Variants in CNTN3 observed in about 807,000 individuals in gnomAD.
CNTN3 encodes the protein contactin-3.
Under a neutral mutation model 119.1 loss-of-function variants are expected in CNTN3, and 60 were observed. The observed-to-expected ratio is 0.50, with a 90% CI of 0.41 to 0.62. CNTN3 has a LOEUF of 0.62. Among genes scored for constraint, CNTN3 ranks in the 20% least tolerant of loss-of-function variants. CNTN3 has a pLI of 0.00. For missense variants in CNTN3, 1,101 were observed against 1,242.4 expected (o/e 0.89, Z 1.71); for synonymous variants, 450 against 438.7 (o/e 1.03, Z -0.32).
At chr3:74,536,941 G>T (rs1309024731) in intron 1 of CNTN3, among the ~76,000 whole-genome samples, 4 of 151,874 alleles carry the variant, frequency 2.6e-5, no homozygotes, top group Admixed American at 6.6e-5. Flanking sequence ...ACTAAAGAGG[G>T]ACGGCTACTT....
chr3:74,350,851 T>C (rs1703795869), intron 11 of CNTN3, among the ~76,000 whole-genome samples: 1 of 152,056 alleles, frequency 6.6e-6, no homozygotes, highest in South Asian at 2.1e-4. Context: ...ACATTCTCCC[T>C]TATAAAGTGG....
chr3:74,463,488 G>C (rs921864058), intron 4 of CNTN3, among the ~76,000 whole-genome samples: 2 of 152,048 alleles, frequency 1.3e-5, no homozygotes, highest in Admixed American at 6.6e-5. Context: ...CTCTCATTAT[G>C]ATGCCGACCC....
chr3:74,588,142 C>T (rs1177663834), intron 1 of CNTN3, among the ~76,000 whole-genome samples: 1 of 152,050 alleles, frequency 6.6e-6, no homozygotes, highest in African/African-American at 2.4e-5. Flanking sequence ...CCCACTTGAC[C>T]ATGGTGGATA....
At chr3:74,407,995 T>G (rs1302657173) in intron 5 of CNTN3, among the ~76,000 whole-genome samples, 2 of 152,156 alleles carry the variant, frequency 1.3e-5, no homozygotes, top group African/African-American at 2.4e-5. Context: ...ATGGTGAGTC[T>G]CCAGTTAACC....
intron 4 of CNTN3, among the ~76,000 whole-genome samples, chr3:74,446,688 T>C (rs1195159250): frequency 1.3e-5 from 2 of 151,628 alleles, no homozygotes; most frequent in African/African-American, 4.8e-5. Context: ...TACTTGTTTT[T>C]TTTTTTTTTG....
chr3:74,498,212 G>A (rs970980583), intron 3 of CNTN3, among the ~76,000 whole-genome samples: 8 of 151,690 alleles, frequency 5.3e-5, no homozygotes, highest in Admixed American at 2.0e-4. Context: ...TCATTTCAGG[G>A]AGAAACAAAC....
At chr3:74,440,346 A>T (rs986044904) in intron 4 of CNTN3, among the ~76,000 whole-genome samples, 4 of 152,158 alleles carry the variant, frequency 2.6e-5, no homozygotes, top group African/African-American at 9.7e-5. Flanking sequence ...CCCTATATTA[A>T]TCTTACATGA....
At chr3:74,419,800 T>C (rs1022719375) in intron 5 of CNTN3, among the ~76,000 whole-genome samples, 3 of 152,178 alleles carry the variant, frequency 2.0e-5, no homozygotes, top group African/African-American at 7.2e-5. Context: ...TTGATTAACC[T>C]ATGAATTCCT....
chr3:74,484,851 G>A (rs1702823507), intron 4 of CNTN3, among the ~76,000 whole-genome samples: 1 of 152,096 alleles, frequency 6.6e-6, no homozygotes, highest in Non-Finnish European at 1.5e-5. Context: ...ACCAAATGAT[G>A]TCCTCACTTT....
chr3:74,516,465 T>C (rs1304664103), intron 2 of CNTN3, among the ~76,000 whole-genome samples: 1 of 150,876 alleles, frequency 6.6e-6, no homozygotes, highest in Non-Finnish European at 1.5e-5. Flanking sequence ...CTTAATAACA[T>C]TGTCTTTTTT....
intron 1 of CNTN3, among the ~76,000 whole-genome samples, chr3:74,525,308 G>A (rs1703603779): frequency 6.6e-6 from 1 of 151,840 alleles, no homozygotes; most frequent in South Asian, 2.1e-4. Flanking sequence ...TAAAAGGTTT[G>A]AAGATAAAAA....
chr3:74,383,748 G>A, intron 5 of CNTN3, among the ~76,000 whole-genome samples: 1 of 152,170 alleles, frequency 6.6e-6, no homozygotes, highest in South Asian at 2.1e-4. Flanking sequence ...GCCTCCCAAA[G>A]TGCTGGGATT....
At chr3:74,595,565 A>C (rs959436896) in intron 1 of CNTN3, among the ~76,000 whole-genome samples, 2 of 152,182 alleles carry the variant, frequency 1.3e-5, no homozygotes, top group African/African-American at 2.4e-5. Flanking sequence ...AATCCAGCAT[A>C]TAAACAGAAC....
intron 20 of CNTN3, among the ~76,000 whole-genome samples, chr3:74,284,050 T>C (rs376274750): frequency 6.6e-6 from 1 of 152,164 alleles, no homozygotes; most frequent in Admixed American, 6.5e-5. Context: ...CTTTTTTCTA[T>C]ACCTAATACA....
intron 2 of CNTN3, among the ~76,000 whole-genome samples, chr3:74,512,977 T>C (rs868157761): frequency 3.4e-4 from 51 of 152,112 alleles, no homozygotes; most frequent in Non-Finnish European, 1.2e-4. Context: ...TATTTTGCCA[T>C]AGAGTGAAGA....
At chr3:74,406,636 T>C (rs1358789975) in intron 5 of CNTN3, among the ~76,000 whole-genome samples, 1 of 152,150 alleles carries the variant, frequency 6.6e-6, no homozygotes, top group Non-Finnish European at 1.5e-5. Context: ...CAATGGCAAC[T>C]GTACACCAGT....
At chr3:74,286,938 G>A (rs988683189) in intron 19 of CNTN3, among the ~76,000 whole-genome samples, 3 of 152,196 alleles carry the variant, frequency 2.0e-5, no homozygotes, top group African/African-American at 4.8e-5. Context: ...GGAGGGAAAG[G>A]ATGTTAAGGT....
chr3:74,321,123 A>G (rs554548962), intron 13 of CNTN3, among the ~76,000 whole-genome samples: 1 of 152,202 alleles, frequency 6.6e-6, no homozygotes, highest in East Asian at 1.9e-4. Context: ...TAAACACTGG[A>G]GAATACAAGA....
intron 1 of CNTN3, among the ~76,000 whole-genome samples, chr3:74,612,782 C>A (rs1171116447): frequency 6.6e-6 from 1 of 152,140 alleles, no homozygotes; most frequent in Non-Finnish European, 1.5e-5. Flanking sequence ...ACCAATAATT[C>A]CCAACCCCAC....
Sources: gnomAD v4.1 joint callset for allele counts (sites outside exome capture counted in the v4.1 genomes callset) on GRCh38, gnomAD v4.1.1 for gene constraint, MANE v1.5 for transcripts, NCBI Gene and HGNC (gene_info 2026-07-23, HGNC 2026-07-21) for gene names.